The following IL1RAPL2 variants were observed in gnomAD, a reference collection of about 807,000 sequenced individuals.
IL1RAPL2 encodes interleukin 1 receptor accessory protein like 2, also known as X-linked interleukin-1 receptor accessory protein-like 2.
Under a neutral mutation model 44.1 loss-of-function variants are expected in IL1RAPL2, and 3 were observed. The ratio of observed to expected loss-of-function variants is 0.07; its 90% CI spans 0.03 to 0.18. IL1RAPL2 has a LOEUF of 0.18. Ranked by LOEUF, IL1RAPL2 falls within the 10% of genes least tolerant of loss-of-function variation. The probability of loss-of-function intolerance (pLI) is 1.00; values close to 1 mark genes in which losing one functional copy is unlikely to be tolerated. For synonymous variants in IL1RAPL2, 181 were observed against 178.8 expected (o/e 1.01, Z -0.10); for missense variants, 391 against 496.4 (o/e 0.79, Z 2.02).
intron 2 of IL1RAPL2, among the ~76,000 whole-genome samples, chrX:105,109,051 T>C (rs989875812): frequency 2.7e-5 from 3 of 111,927 alleles, no homozygotes; most frequent in Non-Finnish European, 5.6e-5. Context: ...CTCCCTTTCT[T>C]ACATTTCAGA....
At chrX:104,714,263 C>T (rs777172433) in intron 2 of IL1RAPL2, among the ~76,000 whole-genome samples, 8 of 111,036 alleles carry the variant, frequency 7.2e-5, no homozygotes, top group Non-Finnish European at 1.3e-4. Flanking sequence ...TTGTTATATA[C>T]ATGGCTCTCA....
At chrX:104,944,213 A>G (rs12559052) in intron 2 of IL1RAPL2, among the ~76,000 whole-genome samples, 37,580 of 110,756 alleles carry the variant, frequency 0.34, 5,528 homozygotes, top group East Asian at 0.46. Context: ...AACATTTTGA[A>G]TATTTATACC....
At chrX:105,583,787 GTTTAC>G (rs2037107441) in intron 6 of IL1RAPL2, among the ~76,000 whole-genome samples, 1 of 111,150 alleles carries the variant, frequency 9.0e-6, no homozygotes, top group African/African-American at 3.3e-5. Flanking sequence ...CTTACTTGGG[GTTTAC>G]TTTATTTTTC....
chrX:105,535,276 G>A (rs184241081), intron 6 of IL1RAPL2, among the ~76,000 whole-genome samples: 1 of 111,824 alleles, frequency 8.9e-6, no homozygotes, highest in African/African-American at 3.2e-5. Flanking sequence ...CTAGTAGAAT[G>A]GCAAGACTGA....
chrX:105,410,845 G>A (rs1005719053), intron 5 of IL1RAPL2, among the ~76,000 whole-genome samples: 1 of 111,519 alleles, frequency 9.0e-6, no homozygotes, highest in African/African-American at 3.3e-5. Context: ...AAACCCATCA[G>A]TATAGATAAT....
intron 2 of IL1RAPL2, among the ~76,000 whole-genome samples, chrX:105,072,211 T>G (rs1191511711): frequency 9.0e-6 from 1 of 111,667 alleles, no homozygotes; most frequent in Admixed American, 9.6e-5. Context: ...CCTGCTGCCA[T>G]GTAATGCATG....
rs774325911 is a variant in IL1RAPL2, at chrX:104,900,149, A to T, written c.82+241154A>T. Among the ~76,000 whole-genome samples the T allele has an allele frequency of 3.6e-5, 4 of 111,982 alleles. No homozygotes were observed. In the East Asian group the frequency reaches 8.4e-4, roughly 24 times the overall value. On this transcript the variant is annotated intron_variant, in intron 2 of 10. Transcript: ENST00000372582. ...TCTCATCACATCTAAGATCCCATTGATTGTAAGACACATCACTCTTTTACG... is the reference window on the plus strand; with the variant it reads ...TCTCATCACATCTAAGATCCCATTGTTTGTAAGACACATCACTCTTTTACG...
intron 5 of IL1RAPL2, among the ~76,000 whole-genome samples, chrX:105,392,129 A>G (rs1193533853): frequency 9.2e-6 from 1 of 109,004 alleles, no homozygotes; most frequent in Non-Finnish European, 1.9e-5. Context: ...CATGTACCCT[A>G]AAACTTAAAG....
chrX:104,939,093 G>A (rs1925098291), intron 2 of IL1RAPL2, among the ~76,000 whole-genome samples: 1 of 90,373 alleles, frequency 1.1e-5, no homozygotes, highest in Non-Finnish European at 2.1e-5. Flanking sequence ...GTCTTACTCT[G>A]TTGCCCAGGC....
intron 2 of IL1RAPL2, among the ~76,000 whole-genome samples, chrX:105,005,070 G>A (rs1397172363): frequency 9.0e-6 from 1 of 110,972 alleles, no homozygotes; most frequent in African/African-American, 3.3e-5. Context: ...CCTGTCTCTG[G>A]ATTCTTTTAA....
intron 5 of IL1RAPL2, among the ~76,000 whole-genome samples, chrX:105,351,785 TA>T (rs988032618): frequency 2.7e-4 from 30 of 110,976 alleles, no homozygotes; most frequent in Non-Finnish European, 4.7e-4. Flanking sequence ...ATAATAATAA[TA>T]AAAAAAATCT....
chrX:104,619,359 G>T (rs1315328500), intron 1 of IL1RAPL2, among the ~76,000 whole-genome samples: 1 of 112,087 alleles, frequency 8.9e-6, no homozygotes, highest in Non-Finnish European at 1.9e-5. Flanking sequence ...CTTACCTCCA[G>T]GTCTTGGGAG....
chrX:105,657,373 GTGTTC>G (rs1326494138), intron 6 of IL1RAPL2, among the ~76,000 whole-genome samples: 1 of 111,974 alleles, frequency 8.9e-6, no homozygotes, highest in Non-Finnish European at 1.9e-5. Flanking sequence ...GGAAGTATAA[GTGTTC>G]TGTTTAATTT....
chrX:105,767,811 A>G lies in IL1RAPL2; in HGVS notation c.*150A>G. 2.2e-6 allele frequency: 1 copy of G among 447,229 alleles called. No individual in the cohort carries two copies. Among genetic ancestry groups the G allele is most frequent in the East Asian group, 3.8e-5 (1 of 26,643 alleles). The allele number at this position is 447,229 out of a possible 1,213,427, so 36.9% of individuals were successfully genotyped here. A position where few individuals can be genotyped will look rare whatever the true frequency, so the allele number is the denominator to read the frequency against. ...TTTATACTTAAATATTTTTGTTTAC[A>G]TTTCCAGAATAGTGGGGGGAAAGAA... On this transcript the variant is annotated 3_prime_UTR_variant, in exon 11 of 11. Transcript: ENST00000372582.
chrX:105,298,441 A>G lies in IL1RAPL2; in HGVS notation c.697+30900A>G, dbSNP rs538900309. Reference sequence around the variant, plus strand: ...GAGATGACTCTTATGTTTGTCACCTAATCAACTGAGGGAGATGGTGATACC... The same window carrying G: ...GAGATGACTCTTATGTTTGTCACCTGATCAACTGAGGGAGATGGTGATACC... On this transcript the variant is annotated intron_variant, in intron 5 of 10. Transcript: ENST00000372582. Among the ~76,000 whole-genome samples the G allele has an allele frequency of 1.2e-4, 13 of 111,081 alleles. No individual in the cohort carries two copies. In the South Asian group the frequency reaches 5.0e-3, roughly 42 times the overall value.
chrX:104,685,144 T>C (rs1028893506), intron 2 of IL1RAPL2, among the ~76,000 whole-genome samples: 1 of 112,054 alleles, frequency 8.9e-6, no homozygotes, highest in Non-Finnish European at 1.9e-5. Context: ...CTCACTTGTT[T>C]GCCAGATGCA....
At chrX:105,310,526 T>C (rs2034789255) in intron 5 of IL1RAPL2, among the ~76,000 whole-genome samples, 1 of 111,557 alleles carries the variant, frequency 9.0e-6, no homozygotes, top group Admixed American at 9.6e-5. Flanking sequence ...TTTACTTGTC[T>C]TTTAAAATCT....
intron 5 of IL1RAPL2, among the ~76,000 whole-genome samples, chrX:105,326,788 C>T (rs1233946866): frequency 9.0e-6 from 1 of 110,952 alleles, no homozygotes; most frequent in African/African-American, 3.3e-5. Flanking sequence ...CTTTATAGTA[C>T]TTTTTGAACT....
chrX:105,376,367 C>T (rs1409264793), intron 5 of IL1RAPL2, among the ~76,000 whole-genome samples: 1 of 112,083 alleles, frequency 8.9e-6, no homozygotes. Flanking sequence ...CCCTCTTCCT[C>T]CTGTAAGAAA....
Sources: allele counts gnomAD v4.1 joint callset (sites outside exome capture counted in the v4.1 genomes callset), GRCh38; gene constraint gnomAD v4.1.1; transcripts MANE v1.5; gene names NCBI Gene and HGNC (gene_info 2026-07-23, HGNC 2026-07-21).